The following MAPKAPK3 variants were observed in gnomAD, a reference collection of about 807,000 sequenced individuals.
The protein encoded by MAPKAPK3 is MAP kinase-activated protein kinase 3.
In MAPKAPK3, 35 loss-of-function variants were observed where a neutral mutation model predicts 49.2. The ratio of observed to expected loss-of-function variants is 0.71; its 90% CI spans 0.54 to 0.94. The LOEUF (loss-of-function observed/expected upper bound fraction) is 0.94. Among genes scored for constraint, MAPKAPK3 ranks in the 40% least tolerant of loss-of-function variants. The probability of loss-of-function intolerance (pLI) is 0.00; values close to 1 mark genes in which losing one functional copy is unlikely to be tolerated. For synonymous variants in MAPKAPK3, 178 were observed against 188.7 expected, an observed-to-expected ratio of 0.94 and a Z score of 0.46; for missense variants, 398 against 493.1, an observed-to-expected ratio of 0.81 and a Z score of 1.83.
chr3:50,616,028 G>A (rs942586451), upstream of MAPKAPK3, among the ~76,000 whole-genome samples: 3 of 152,122 alleles, frequency 2.0e-5, no homozygotes, highest in South Asian at 6.2e-4. Context: ...CCTAAATTCC[G>A]GAGCCAAGAG....
Position 50,617,514 on chromosome 3 carries a change from G to A in MAPKAPK3, c.-52G>A. ...GACTCACTCTTCCCCTTTCCCCCAG[G>A]TGCCACTAGAAGCGCCAGGCTGGGG... On this transcript the variant is annotated splice_region_variant and 5_prime_UTR_variant, in exon 2 of 11. It adds an upstream start codon to the 5' untranslated region. Transcript: ENST00000621469. The A allele has an allele frequency of 1.2e-6, 1 of 856,986 alleles. No individual in the cohort carries two copies. Among genetic ancestry groups the A allele is most frequent in the South Asian group, 1.5e-5 (1 of 67,040 alleles). 53.1% of individuals were successfully genotyped at this position (856,986 alleles called of 1,614,324 possible). A position where few individuals can be genotyped will look rare whatever the true frequency, so the allele number is the denominator to read the frequency against.
chr3:50,622,666 G>A (rs2032638438), intron 2 of MAPKAPK3, among the ~76,000 whole-genome samples: 1 of 152,290 alleles, frequency 6.6e-6, no homozygotes, highest in African/African-American at 2.4e-5. Flanking sequence ...TTTGATTACA[G>A]CTCAGAGATA....
At chr3:50,626,748 G>A (rs2032755612) in intron 2 of MAPKAPK3, among the ~76,000 whole-genome samples, 1 of 152,200 alleles carries the variant, frequency 6.6e-6, no homozygotes, top group South Asian at 2.1e-4. Context: ...TGCCATGGAT[G>A]CAGAGACAGG....
chr3:50,621,680 A>C (rs1233174166), intron 2 of MAPKAPK3, among the ~76,000 whole-genome samples: 7 of 151,176 alleles, frequency 4.6e-5, no homozygotes, highest in African/African-American at 1.7e-4. Context: ...TGAGGTGGAA[A>C]GATGATTGCT....
chr3:50,644,448 G>A lies in MAPKAPK3; in HGVS notation c.544G>A (p.Val182Met). The A allele has an allele frequency of 6.2e-7, 1 of 1,614,192 alleles. No individual in the cohort carries two copies. ...LLYTSKEKDA[V>M]LKLTDFGFAK... The stretch of plus-strand genomic sequence containing the variant: ...CTACACATCTAAGGAGAAAGACGCA[G>A]TGCTTAAGCTCACCGATTTTGGCTT... Residue 182 changes from valine to methionine, a missense_variant, in exon 6 of 11, where the codon GTG becomes ATG. Physicochemically the swap from Val to Met is conservative, Grantham distance 21 (BLOSUM62 1). Around this residue, in one of 5 missense-constraint regions of MAPKAPK3, gnomAD observed 41 missense variants for 35.8 expected, o/e 1.15. Coordinates refer to ENST00000621469, the MANE Select transcript of MAPKAPK3 (RefSeq NM_001243925.2).
chr3:50,638,804 C>T (rs1404676326), intron 2 of MAPKAPK3, among the ~76,000 whole-genome samples: 1 of 152,240 alleles, frequency 6.6e-6, no homozygotes, highest in African/African-American at 2.4e-5. Context: ...TGGCCTGGCT[C>T]TCCCCATCCT....
intron 2 of MAPKAPK3, among the ~76,000 whole-genome samples, chr3:50,638,489 A>G (rs1559488215): frequency 6.6e-6 from 1 of 152,206 alleles, no homozygotes; most frequent in Non-Finnish European, 1.5e-5. Context: ...GTGTCCAGGC[A>G]GGAGTGTCTG....
Position 50,617,648 on chromosome 3 carries a change from C to CG in MAPKAPK3, c.90dup (p.Arg31AlafsTer47), listed in dbSNP as rs751967432. ...GGCGGACCCGGCTTGGGCGGTGCTC[C>CG]GGGGGGGCGGCGGGAGCCCAAGAAG... is the stretch of plus-strand genomic sequence containing the variant. On this transcript the variant is annotated frameshift_variant, in exon 2 of 11. Coordinates refer to ENST00000621469, the MANE Select transcript of MAPKAPK3 (RefSeq NM_001243925.2). LOFTEE classifies it high-confidence loss of function. The CG allele has an allele frequency of 7.7e-5, 124 of 1,609,416 alleles. No homozygotes were observed. Among genetic ancestry groups the CG allele is most frequent in the Middle Eastern group, 1.7e-4 (1 of 5,826 alleles).
At chr3:50,629,969 T>G (rs1347770250) in intron 2 of MAPKAPK3, among the ~76,000 whole-genome samples, 1 of 152,178 alleles carries the variant, frequency 6.6e-6, no homozygotes, top group African/African-American at 2.4e-5. Flanking sequence ...AGCTACTCCC[T>G]CCCCTCCCAA....
Position 50,617,591 on chromosome 3 carries a change from AGGGGGGCCCTGTGCCCCCG to A in MAPKAPK3, c.27_45del (p.Gln9HisfsTer25), listed in dbSNP as rs2032501328. 6.3e-7 allele frequency: 1 copy of A among 1,585,236 alleles called. No individual in the cohort carries two copies. Among genetic ancestry groups the A allele is most frequent in the African/African-American group, 1.3e-5 (1 of 74,384 alleles). ...ATGGATGGTGAAACAGCAGAGGAGC[AGGGGGGCCCTGTGCCCCCG>A]CCAGTTGCACCCGGCGGACCCGGCT... On this transcript the variant is annotated frameshift_variant, in exon 2 of 11. Coordinates refer to ENST00000621469, the MANE Select transcript of MAPKAPK3 (RefSeq NM_001243925.2). LOFTEE classifies it high-confidence loss of function.
At chr3:50,637,252 G>T (rs2033062955) in intron 2 of MAPKAPK3, among the ~76,000 whole-genome samples, 1 of 152,132 alleles carries the variant, frequency 6.6e-6, no homozygotes. Context: ...AGTGTTTCCT[G>T]CCAGGCCCCA....
intron 2 of MAPKAPK3, among the ~76,000 whole-genome samples, chr3:50,633,347 C>T (rs1027953804): frequency 2.0e-5 from 3 of 151,800 alleles, no homozygotes; most frequent in Non-Finnish European, 4.4e-5. Context: ...CGGGCCCACA[C>T]ACCCACCCCC....
At chr3:50,641,454 G>A (rs540589802) in intron 3 of MAPKAPK3, among the ~76,000 whole-genome samples, 19 of 152,300 alleles carry the variant, frequency 1.2e-4, no homozygotes, top group African/African-American at 4.3e-4. Context: ...GTGCCACTGG[G>A]AACACACAGG....
intron 5 of MAPKAPK3, among the ~76,000 whole-genome samples, chr3:50,643,430 T>A (rs1296455779): frequency 6.6e-6 from 1 of 152,112 alleles, no homozygotes; most frequent in Non-Finnish European, 1.5e-5. Flanking sequence ...GTGAGCACTA[T>A]CAGAGCAGAG....
chr3:50,620,342 G>C (rs956320524), intron 2 of MAPKAPK3, among the ~76,000 whole-genome samples: 1 of 152,066 alleles, frequency 6.6e-6, no homozygotes, highest in African/African-American at 2.4e-5. Flanking sequence ...AGTTGCCCCA[G>C]CTCAGCCTAG....
At chr3:50,614,323 A>G (rs1332230845), upstream of MAPKAPK3, among the ~76,000 whole-genome samples, 2 of 152,140 alleles carry the variant, frequency 1.3e-5, no homozygotes, top group Non-Finnish European at 2.9e-5. Flanking sequence ...CTCTTCTAGG[A>G]TAATCCCTCT....
Position 50,646,821 on chromosome 3 carries a change from T to A in MAPKAPK3, c.911T>A (p.Ile304Asn). The change falls in exon 9 of 11, where the codon ATC (isoleucine) becomes AAC (asparagine). Residue 304 changes from isoleucine (I) to asparagine (N), a missense_variant. Physicochemically the swap from Ile to Asn is moderately radical, Grantham distance 149. Coordinates refer to ENST00000621469, the MANE Select transcript of MAPKAPK3 (RefSeq NM_001243925.2). ...TITQFMNHPWINQSMVVPQTP... is the reference protein window; with the variant it reads ...TITQFMNHPWNNQSMVVPQTP... Reference sequence around the variant, plus strand: ...ACTCAGTTCATGAACCACCCCTGGATCAACGTGAGCCCCTCCTCCTCCCAT... The same window carrying A: ...ACTCAGTTCATGAACCACCCCTGGAACAACGTGAGCCCCTCCTCCTCCCAT... 6.2e-7 allele frequency: 1 copy of A among 1,613,854 alleles called. No homozygotes were observed. Among genetic ancestry groups the A allele is most frequent in the Non-Finnish European group, 8.5e-7 (1 of 1,179,956 alleles).
chr3:50,632,117 T>A (rs1376429281), intron 2 of MAPKAPK3, among the ~76,000 whole-genome samples: 1 of 152,282 alleles, frequency 6.6e-6, no homozygotes, highest in Non-Finnish European at 1.5e-5. Context: ...GAATCCATAT[T>A]AGATATGTTC....
At chr3:50,614,443 G>A (rs954770318), upstream of MAPKAPK3, among the ~76,000 whole-genome samples, 1 of 150,978 alleles carries the variant, frequency 6.6e-6, no homozygotes, top group African/African-American at 2.4e-5. Context: ...CAAAAGTCTC[G>A]CTCATTTGGC....
Sources: allele counts gnomAD v4.1 joint callset (sites outside exome capture counted in the v4.1 genomes callset), GRCh38; gene constraint gnomAD v4.1.1; regional missense constraint gnomAD v4.1.1; transcripts MANE v1.5; gene names NCBI Gene and HGNC (gene_info 2026-07-23, HGNC 2026-07-21).